FNDC7: variants seen among roughly 807,000 people sequenced by gnomAD.
FNDC7 encodes fibronectin type III domain containing 7.
FNDC7 carries 66 observed loss-of-function variants against 74.2 expected under a neutral mutation model. That is an observed-to-expected ratio of 0.89 (90% CI 0.73 to 1.09). FNDC7 has a LOEUF of 1.09. Among genes scored for constraint, FNDC7 ranks in the 50% least tolerant of loss-of-function variants. FNDC7 has a pLI of 0.00. For synonymous variants in FNDC7, 307 were observed against 330.2 expected (o/e 0.93, Z 0.76); for missense variants, 829 against 893.4 (o/e 0.93, Z 0.92).
At chr1:108,713,604 C>A in intron 2 of FNDC7, 75 bp downstream of exon 2, 1 of 1,334,852 alleles carries the variant, frequency 7.5e-7, no homozygotes, top group African/African-American at 1.5e-5. Flanking sequence ...ACGGGCTACC[C>A]TGAAATCTAA....
intron 5 of FNDC7, 87 bp downstream of exon 5, chr1:108,722,679 C>T: frequency 3.6e-6 from 5 of 1,393,360 alleles, no homozygotes; most frequent in Non-Finnish European, 4.8e-6. Context: ...TCTGAATACT[C>T]TGGAAAAAAT....
rs986170086 is a variant in FNDC7, at chr1:108,713,463, A to G, written c.64-48A>G. 4.6e-6 allele frequency: 7 copies of G among 1,510,916 alleles called. No individual in the cohort carries two copies. The African/African-American group carries it at 9.7e-5, about 21-fold the overall frequency. 93.6% of individuals were successfully genotyped at this position (1,510,916 alleles called of 1,614,324 possible). A position where few individuals can be genotyped will look rare whatever the true frequency, so the allele number is the denominator to read the frequency against. ...TTTATTCATGTTTTACGTTTGTTCA[A>G]GTTGTGTTTTTCTGTGTGGTTCTAA... is the stretch of plus-strand genomic sequence containing the variant. On this transcript the variant is annotated intron_variant, in intron 1 of 12. Coordinates refer to ENST00000370017, the MANE Select transcript of FNDC7 (RefSeq NM_001144937.3).
Position 108,733,747 on chromosome 1 carries a change from G to A in FNDC7, c.2140+215G>A, listed in dbSNP as rs1454316753. Reference sequence around the variant, plus strand: ...CTCACTGCAACCTCCACCTCCCAGGGTCAAGCAATTCTCCTGCCTCAGCCT... The same window carrying A: ...CTCACTGCAACCTCCACCTCCCAGGATCAAGCAATTCTCCTGCCTCAGCCT... On this transcript the variant is annotated intron_variant, in intron 10 of 12. Transcript: ENST00000370017. Among the ~76,000 whole-genome samples, 6 of 150,766 alleles carry A rather than the reference G, an allele frequency of 4.0e-5. No individual in the cohort carries two copies. The East Asian group carries it at 5.8e-4, about 15-fold the overall frequency.
chr1:108,721,251 C>T (rs1661086068), intron 4 of FNDC7, among the ~76,000 whole-genome samples: 2 of 152,074 alleles, frequency 1.3e-5, no homozygotes. Context: ...GGGTGGATCA[C>T]GAGGTCAGGA....
At chr1:108,738,529 C>T (rs1213427101) in intron 11 of FNDC7, among the ~76,000 whole-genome samples, 1 of 150,040 alleles carries the variant, frequency 6.7e-6, no homozygotes, top group African/African-American at 2.5e-5. Flanking sequence ...CAGAACTTCT[C>T]TCCCGCCCAC....
chr1:108,722,602 C>G lies in FNDC7; in HGVS notation c.856+10C>G. ...ATGACCCTGAAAACTGGTATGTAAACAAGAGTGAGACTGCTGTCGGGCTTG... is the reference window on the plus strand; with the variant it reads ...ATGACCCTGAAAACTGGTATGTAAAGAAGAGTGAGACTGCTGTCGGGCTTG... On this transcript the variant is annotated intron_variant, in intron 5 of 12. Coordinates refer to ENST00000370017, the MANE Select transcript of FNDC7 (RefSeq NM_001144937.3). The G allele has an allele frequency of 6.2e-7, 1 of 1,606,194 alleles. No homozygotes were observed. Among genetic ancestry groups the G allele is most frequent in the African/African-American group, 1.3e-5 (1 of 74,978 alleles).
In FNDC7 at chr1:108,727,972, C is replaced by G; in HGVS notation, c.1276C>G (p.Leu426Val). Residue 426 changes from leucine to valine, a missense_variant, in exon 7 of 13, where the codon CTA (leucine) becomes GTA (valine). Coordinates refer to ENST00000370017, the MANE Select transcript of FNDC7 (RefSeq NM_001144937.3). ...TACTCCTGCGTGCACCCTTTCGGCT[C>G]TAGAGTGTGACACCAAGTACAACAT... ...DTTPACTLSA[L>V]ECDTKYNITV... 6.2e-7 allele frequency: 1 copy of G among 1,614,162 alleles called. No homozygotes were observed. Among genetic ancestry groups the G allele is most frequent in the Non-Finnish European group, 8.5e-7 (1 of 1,180,020 alleles).
At chr1:108,721,158 A>G (rs1200642908) in intron 4 of FNDC7, among the ~76,000 whole-genome samples, 2 of 152,242 alleles carry the variant, frequency 1.3e-5, no homozygotes, top group Non-Finnish European at 2.9e-5. Context: ...AGAATGAGTT[A>G]GGTCCTCATG....
In FNDC7 at chr1:108,733,318, T is replaced by A. The variant is rs1342098429; in HGVS notation, c.1926T>A (p.Asn642Lys). The change falls in exon 10 of 13, where the codon AAT becomes AAA. Residue 642 changes from asparagine to lysine, a missense_variant. Transcript: ENST00000370017. Reference protein sequence around the residue: ...LGVKLYRLGPNGIRIYWQASR... With the variant: ...LGVKLYRLGPKGIRIYWQASR... ...TGAAATTATATAGGCTGGGCCCTAA[T>A]GGCATCCGGATCTACTGGCAAGCCT... 3 of 1,614,192 alleles carry A rather than the reference T, an allele frequency of 1.9e-6. No homozygotes were observed. The highest frequency in any genetic ancestry group is 3.3e-5 in the Admixed American group (2 of 60,022).
At position 108,722,285 on chromosome 1, in the gene FNDC7, C is replaced by G. The variant is rs544881849; in HGVS notation, c.599-50C>G. On this transcript the variant is annotated intron_variant, in intron 4 of 12. Coordinates refer to ENST00000370017, the MANE Select transcript of FNDC7 (RefSeq NM_001144937.3). ...TGCAACATTGTTATGCCAACTCTTA[C>G]GTAGTTTGTAAGGCTACTACAAAAT... 3.4e-6 allele frequency: 5 copies of G among 1,479,462 alleles called. No individual in the cohort carries two copies. In the African/African-American group the frequency reaches 5.6e-5, roughly 17 times the overall value. The allele number at this position is 1,479,462 out of a possible 1,614,324, so 91.6% of individuals were successfully genotyped here.
In FNDC7 at chr1:108,722,375, T is replaced by C; in HGVS notation, c.639T>C (p.Ser213=). The change falls in exon 5 of 13, where the codon AGT becomes AGC. Residue 213 remains serine, a synonymous_variant. Coordinates refer to ENST00000370017, the MANE Select transcript of FNDC7 (RefSeq NM_001144937.3). The stretch of plus-strand genomic sequence containing the variant: ...CCAACATTCAAGTCTCTTTCGATAG[T>C]GGAGCTCTGAAGGCATCTTTTTCCT... ...APANIQVSFD[S]GALKASFSWA... 1 of 1,613,970 alleles carries C rather than the reference T, an allele frequency of 6.2e-7. No individual in the cohort carries two copies. The highest frequency in any genetic ancestry group is 8.5e-7 in the Non-Finnish European group (1 of 1,179,934).
chr1:108,737,593 C>A (rs1661546112), intron 11 of FNDC7, 69 bp downstream of exon 11: 2 of 1,264,192 alleles, frequency 1.6e-6, no homozygotes, highest in Admixed American at 2.4e-5. Flanking sequence ...TTAATGAAGT[C>A]AGCTGACTTT....
At chr1:108,738,172 G>C (rs1344810994) in intron 11 of FNDC7, among the ~76,000 whole-genome samples, 1 of 152,236 alleles carries the variant, frequency 6.6e-6, no homozygotes, top group African/African-American at 2.4e-5. Context: ...CCAGGAGTTA[G>C]AGAGAATCTG....
At chr1:108,715,809 C>T (rs921908568) in intron 2 of FNDC7, among the ~76,000 whole-genome samples, 2 of 152,188 alleles carry the variant, frequency 1.3e-5, no homozygotes, top group African/African-American at 4.8e-5. Flanking sequence ...CCGTATTTGT[C>T]AAGGAAGGTA....
chr1:108,713,060 CTCTCCTTTTTT>C, intron 1 of FNDC7, 64 bp downstream of exon 1: 1 of 1,437,332 alleles, frequency 7.0e-7, no homozygotes, highest in Non-Finnish European at 9.5e-7. Flanking sequence ...CATTATTTTT[CTCTCCTTTTTT>C]TTTTGAGGAG....
In FNDC7 at chr1:108,726,016, T is replaced by G. The variant is rs187493395; in HGVS notation, c.1111+12T>G. ...CAATTATACCACAGGTAAGTCCCAT[T>G]TGATGTTTGTTAAGGGAGTTCTGAG... is the stretch of plus-strand genomic sequence containing the variant. On this transcript the variant is annotated intron_variant, in intron 6 of 12. Transcript: ENST00000370017. 1 of 1,613,408 alleles carries G rather than the reference T, an allele frequency of 6.2e-7. No individual in the cohort carries two copies. Among genetic ancestry groups the G allele is most frequent in the Admixed American group, 1.7e-5 (1 of 59,980 alleles).
chr1:108,738,534 G>A (rs1328191982), intron 11 of FNDC7, among the ~76,000 whole-genome samples: 2 of 78,778 alleles, frequency 2.5e-5, no homozygotes, highest in Admixed American at 1.3e-4. Flanking sequence ...CTTCTCTCCC[G>A]CCCACCCCCA....
At chr1:108,713,060 C>A in intron 1 of FNDC7, 64 bp downstream of exon 1, 1 of 1,437,320 alleles carries the variant, frequency 7.0e-7, no homozygotes, top group Non-Finnish European at 9.5e-7. Context: ...CATTATTTTT[C>A]TCTCCTTTTT....
Position 108,742,011 on chromosome 1 carries a change from T to C in FNDC7, c.*124T>C, listed in dbSNP as rs41278486. ...GCCTCTAGGATAGGAAAAGCTCCTT[T>C]GGCCTTTAGAAGAACAACTCTGACT... On this transcript the variant is annotated 3_prime_UTR_variant, in exon 13 of 13. Coordinates refer to ENST00000370017, the MANE Select transcript of FNDC7 (RefSeq NM_001144937.3). The C allele has an allele frequency of 0.011, 6,783 of 604,284 alleles. 56 individuals are homozygous for C. Among genetic ancestry groups the C allele is most frequent in the Non-Finnish European group, 0.015 (5,314 of 347,256 alleles). The allele number at this position is 604,284 out of a possible 1,614,324, so 37.4% of individuals were successfully genotyped here.
Sources: gnomAD v4.1 joint callset for allele counts (sites outside exome capture counted in the v4.1 genomes callset) on GRCh38, gnomAD v4.1.1 for gene constraint, MANE v1.5 for transcripts, NCBI Gene and HGNC (gene_info 2026-07-23, HGNC 2026-07-21) for gene names.